Variants in CREBBP observed in about 807,000 individuals in gnomAD.
CREBBP encodes CREB-binding protein.
CREBBP carries 19 observed loss-of-function variants against 265.0 expected under a neutral mutation model. That is an observed-to-expected ratio of 0.07 (90% CI 0.05 to 0.11). CREBBP has a LOEUF of 0.11. CREBBP is among the 10% of genes least tolerant of loss of function. The pLI, the probability that CREBBP is intolerant of heterozygous loss-of-function variation, is 1.00. For missense variants in CREBBP, 2,525 were observed against 3,219.0 expected (o/e 0.78, Z 5.22); for synonymous variants, 1,457 against 1,223.7 (o/e 1.19, Z -3.98).
rs199507343 is a variant in CREBBP at position 3,754,266 on chromosome 16, A to G, written c.3699-2460T>C. ...GTTCTGAGAGAGGAAGACAGCACAC[A>G]GAAAAGGGAACAGTCACCCCCAACT... is the stretch of plus-strand genomic sequence containing the variant. On this transcript the variant is annotated intron_variant, in intron 19 of 30. Transcript: ENST00000262367. Among the ~76,000 whole-genome samples, 3 of 152,258 alleles carry G rather than the reference A, an allele frequency of 2.0e-5. No individual in the cohort carries two copies. The East Asian group carries it at 5.8e-4, about 29-fold the overall frequency.
intron 25 of CREBBP, among the ~76,000 whole-genome samples, 156 bp from the exon 26 acceptor site, chr16:3,738,828 C>T (rs2052134235): frequency 6.6e-6 from 1 of 152,236 alleles, no homozygotes; most frequent in South Asian, 2.1e-4. Context: ...TCACTGCAAC[C>T]TCAACCTCAT....
chr16:3,803,260 C>CGGGGGGGGGGGGGGGGGGGGG (rs1192484779), intron 3 of CREBBP, among the ~76,000 whole-genome samples: 1 of 8,454 alleles, frequency 1.2e-4, no homozygotes, highest in Non-Finnish European at 2.2e-4. Flanking sequence ...AGGCTGACGG[C>CGGGGGGGGGGGGGGGGGGGGG]GGGGAGGGGG....
At chr16:3,760,756 C>G (rs1458480414) in intron 16 of CREBBP, among the ~76,000 whole-genome samples, 1 of 152,064 alleles carries the variant, frequency 6.6e-6, no homozygotes, top group African/African-American at 2.4e-5. Flanking sequence ...CTCCAACGCC[C>G]AGGCTGGAGG....
chr16:3,826,956 T>G (rs913044897), intron 2 of CREBBP, among the ~76,000 whole-genome samples: 1 of 152,160 alleles, frequency 6.6e-6, no homozygotes, highest in African/African-American at 2.4e-5. Flanking sequence ...AAGAACCCTG[T>G]TGTACTATCT....
At position 3,739,646 on chromosome 16, in the gene CREBBP, G is replaced by A. The variant is rs1248252042; in HGVS notation, c.4212C>T (p.Gly1404=). 3.1e-6 allele frequency: 5 copies of A among 1,614,044 alleles called. No homozygotes were observed. Among genetic ancestry groups the A allele is most frequent in the South Asian group, 1.1e-5 (1 of 91,094 alleles). ...GCATTCCAAAAAAGCAGACATCCAC[G>A]CCGTCAATTTCCTCAAAAGCAAACA... The part of the protein sequence containing the change: ...KALFAFEEID[G]VDVCFFGMHV... Residue 1404 remains glycine, a synonymous_variant, in exon 25 of 31, where the codon GGC becomes GGT. Transcript: ENST00000262367.
chr16:3,761,538 A>G (rs1377407098), intron 16 of CREBBP: 3 of 518,626 alleles, frequency 5.8e-6, no homozygotes, highest in Non-Finnish European at 1.2e-5. Flanking sequence ...AACATGCCTC[A>G]GGGCTCATTT....
chr16:3,774,718 A>C (rs559255516), intron 11 of CREBBP, 25 bp from the exon 12 acceptor site: 1 of 1,614,188 alleles, frequency 6.2e-7, no homozygotes, highest in South Asian at 1.1e-5. Flanking sequence ...ACAACGGTTC[A>C]TTAGGAAAAG....
intron 5 of CREBBP, among the ~76,000 whole-genome samples, chr16:3,783,468 G>GCT (rs2053319901): frequency 6.6e-6 from 1 of 152,186 alleles, no homozygotes; most frequent in Admixed American, 6.5e-5. Context: ...TCACATAATT[G>GCT]CAAGTCCTTG....
At position 3,725,244 on chromosome 16, in the gene CREBBP, T is replaced by C. The variant is rs567048198; in HGVS notation, c.*2474A>G. On this transcript the variant is annotated 3_prime_UTR_variant, in exon 31 of 31. Transcript: ENST00000262367. ...ACTTAGGGTTAGCATCCACAGACCA[T>C]GCTCTCGGTCACATCCTTCGACATC... is the stretch of plus-strand genomic sequence containing the variant. The C allele has an allele frequency of 4.3e-6, 1 of 233,414 alleles. No individual in the cohort carries two copies. The highest frequency in any genetic ancestry group is 2.2e-5 in the African/African-American group (1 of 45,454). The allele number at this position is 233,414 out of a possible 1,614,324, so 14.5% of individuals were successfully genotyped here.
intron 1 of CREBBP, among the ~76,000 whole-genome samples, chr16:3,867,757 TAAA>T (rs756198312): frequency 7.4e-5 from 7 of 94,524 alleles, no homozygotes; most frequent in Admixed American, 2.4e-4. Flanking sequence ...GTATCTCTAC[TAAA>T]AAAAAAAAAA....
intron 2 of CREBBP, among the ~76,000 whole-genome samples, chr16:3,838,102 G>C (rs2054492643): frequency 6.6e-6 from 1 of 152,162 alleles, no homozygotes; most frequent in South Asian, 2.1e-4. Flanking sequence ...CTAAAGTGCT[G>C]GGATTGCAGG....
In CREBBP at chr16:3,726,241, G is replaced by GT. The variant is rs1437525842; in HGVS notation, c.*1476_*1477insA. The GT allele has an allele frequency of 4.4e-6, 1 of 228,752 alleles. No individual in the cohort carries two copies. Among genetic ancestry groups the GT allele is most frequent in the East Asian group, 6.1e-5 (1 of 16,268 alleles). The allele number at this position is 228,752 out of a possible 1,614,324, so 14.2% of individuals were successfully genotyped here. A position where few individuals can be genotyped will look rare whatever the true frequency, so the allele number is the denominator to read the frequency against. On this transcript the variant is annotated 3_prime_UTR_variant, in exon 31 of 31. Transcript: ENST00000262367. Reference sequence around the variant, plus strand: ...CCTCAGATTCTGGGAGTCGTGTACGGGGGGGGGGAGCCGCCTGAACACGGG... The same window carrying GT: ...CCTCAGATTCTGGGAGTCGTGTACGGTGGGGGGGGAGCCGCCTGAACACGGG...
intron 1 of CREBBP, among the ~76,000 whole-genome samples, chr16:3,864,625 G>A (rs1259690444): frequency 1.3e-5 from 2 of 152,110 alleles, no homozygotes; most frequent in African/African-American, 4.8e-5. Context: ...TCCATCCTGG[G>A]TGACAGAGTG....
At chr16:3,785,545 C>T (rs1170535485) in intron 5 of CREBBP, among the ~76,000 whole-genome samples, 3 of 152,230 alleles carry the variant, frequency 2.0e-5, no homozygotes, top group Admixed American at 6.5e-5. Flanking sequence ...ACATGGGCCA[C>T]GTAACCTGCT....
At chr16:3,816,423 A>G (rs564311196) in intron 2 of CREBBP, among the ~76,000 whole-genome samples, 5 of 152,228 alleles carry the variant, frequency 3.3e-5, no homozygotes, top group Non-Finnish European at 7.3e-5. Context: ...AAACTGGATT[A>G]GCCTTAACAT....
intron 4 of CREBBP, among the ~76,000 whole-genome samples, chr16:3,793,108 G>C (rs759331687): frequency 6.6e-6 from 1 of 152,260 alleles, no homozygotes; most frequent in Non-Finnish European, 1.5e-5. Context: ...TTCCGTGACA[G>C]AGGAAGGAGG....
chr16:3,820,149 G>A (rs1036649082), intron 2 of CREBBP, among the ~76,000 whole-genome samples: 2 of 152,082 alleles, frequency 1.3e-5, no homozygotes, highest in African/African-American at 2.4e-5. Context: ...CCCAGACTAC[G>A]GCCAGATCAT....
intron 1 of CREBBP, among the ~76,000 whole-genome samples, chr16:3,857,564 A>G (rs934232544): frequency 2.0e-5 from 3 of 152,160 alleles, no homozygotes; most frequent in Non-Finnish European, 4.4e-5. Context: ...CACATGGGTT[A>G]AGCAAGAGCA....
Position 3,849,444 on chromosome 16 carries a change from T to TG in CREBBP, c.798+852dup, listed in dbSNP as rs1567360552. Among the ~76,000 whole-genome samples, 215 of 24,862 alleles carry TG rather than the reference T, an allele frequency of 8.6e-3. 14 individuals are homozygous for TG. The highest frequency in any genetic ancestry group is 0.027 in the South Asian group (11 of 404). 16.3% of individuals were successfully genotyped at this position (24,862 alleles called of 152,430 possible). On this transcript the variant is annotated intron_variant, in intron 2 of 30. Transcript: ENST00000262367. ...GTGTGTGTGTGTGTGTGTGTGTGTG[T>TG]GTGTGTGTGTGTGTGTGTGTGTGTG...
Sources: gnomAD v4.1 joint callset for allele counts (sites outside exome capture counted in the v4.1 genomes callset) on GRCh38, gnomAD v4.1.1 for gene constraint, MANE v1.5 for transcripts, NCBI Gene and HGNC (gene_info 2026-07-23, HGNC 2026-07-21) for gene names.